The following CDH13 variants were observed in gnomAD, a reference collection of about 807,000 sequenced individuals.
CDH13 encodes the protein cadherin-13.
CDH13 carries 24 observed loss-of-function variants against 63.8 expected under a neutral mutation model. The observed-to-expected ratio is 0.38, with a 90% CI of 0.27 to 0.53. CDH13 has a LOEUF of 0.53. CDH13 is among the 20% of genes least tolerant of loss of function. The probability of loss-of-function intolerance (pLI) is 0.85; values close to 1 mark genes in which losing one functional copy is unlikely to be tolerated. For synonymous variants in CDH13, 503 were observed against 355.3 expected (o/e 1.42, Z -4.67); for missense variants, 1,049 against 903.1 (o/e 1.16, Z -2.07).
At chr16:82,752,701 C>A (rs1281281139) in intron 1 of CDH13, among the ~76,000 whole-genome samples, 1 of 152,204 alleles carries the variant, frequency 6.6e-6, no homozygotes, top group Non-Finnish European at 1.5e-5. Context: ...GGGCCAGAAC[C>A]AGAAGGCAGA....
intron 9 of CDH13, among the ~76,000 whole-genome samples, chr16:83,672,409 CTTTTTTTTTT>C (rs34156503): frequency 6.8e-4 from 24 of 35,136 alleles, no homozygotes; most frequent in Admixed American, 1.1e-3. Context: ...TCTGGATTCT[CTTTTTTTTTT>C]TTTTTTTTTT....
At position 83,412,489 on chromosome 16, in the gene CDH13, A is replaced by G. The variant is rs113251093; in HGVS notation, c.781+67483A>G. Among the ~76,000 whole-genome samples, 4 of 152,290 alleles carry G rather than the reference A, an allele frequency of 2.6e-5. 1 individual carries two copies. The highest frequency in any genetic ancestry group is 9.6e-5 in the African/African-American group (4 of 41,582). ...AAAATAAAAATAAAAATGAATAAAT[A>G]AATAAATGTGTCTACAAACAGAGGT... is the stretch of plus-strand genomic sequence containing the variant. On this transcript the variant is annotated intron_variant, in intron 6 of 13. Coordinates refer to ENST00000567109, the MANE Select transcript of CDH13 (RefSeq NM_001257.5).
chr16:82,838,314 G>T (rs1190960794), intron 1 of CDH13, among the ~76,000 whole-genome samples: 2 of 152,194 alleles, frequency 1.3e-5, no homozygotes, highest in South Asian at 2.1e-4. Flanking sequence ...AGAAGAACAT[G>T]CCCGTCCTAT....
chr16:82,649,721 A>G (rs2150904980), intron 1 of CDH13, among the ~76,000 whole-genome samples: 1 of 152,242 alleles, frequency 6.6e-6, no homozygotes, highest in Non-Finnish European at 1.5e-5. Context: ...GGAGGGTAAG[A>G]AGACATGGAA....
chr16:83,128,456 G>A (rs1349389541), intron 4 of CDH13, among the ~76,000 whole-genome samples: 1 of 152,186 alleles, frequency 6.6e-6, no homozygotes, highest in Non-Finnish European at 1.5e-5. Flanking sequence ...ACAGAGGGCT[G>A]ACCTGAAATG....
At position 83,799,944 on chromosome 16, in the gene CDH13, A is replaced by T. The variant is rs1178030798; in HGVS notation, c.*4914A>T. The stretch of plus-strand genomic sequence containing the variant: ...GGTTTCAGATAAGAACTTCAATTAT[A>T]TAATTTAAGAAGAGTCAGTCTATAA... On this transcript the variant is annotated 3_prime_UTR_variant, in exon 14 of 14. Coordinates refer to ENST00000567109, the MANE Select transcript of CDH13 (RefSeq NM_001257.5). The T allele has an allele frequency of 7.9e-6, 1 of 126,706 alleles. No individual in the cohort carries two copies. The highest frequency in any genetic ancestry group is 1.9e-5 in the Non-Finnish European group (1 of 53,482). The allele number at this position is 126,706 out of a possible 1,614,324, so 7.8% of individuals were successfully genotyped here. A position where few individuals can be genotyped will look rare whatever the true frequency, so the allele number is the denominator to read the frequency against.
chr16:83,275,722 C>T (rs535001685), intron 5 of CDH13, among the ~76,000 whole-genome samples: 7 of 152,224 alleles, frequency 4.6e-5, no homozygotes, highest in South Asian at 4.2e-4. Context: ...CTTGGTTATA[C>T]GTCATTTCTG....
intron 4 of CDH13, among the ~76,000 whole-genome samples, chr16:83,143,334 G>C (rs1032034470): frequency 1.3e-5 from 2 of 152,016 alleles, no homozygotes; most frequent in Non-Finnish European, 2.9e-5. Context: ...AAAATATTTA[G>C]GAAAGTCTCA....
intron 1 of CDH13, among the ~76,000 whole-genome samples, chr16:82,638,053 G>T (rs1349880231): frequency 1.3e-5 from 2 of 152,218 alleles, no homozygotes; most frequent in Non-Finnish European, 2.9e-5. Flanking sequence ...CCATTGAAGG[G>T]AGAAGAGGCT....
At chr16:83,650,311 A>G (rs1912247142) in intron 8 of CDH13, among the ~76,000 whole-genome samples, 2 of 152,344 alleles carry the variant, frequency 1.3e-5, no homozygotes, top group Admixed American at 1.3e-4. Flanking sequence ...TAATTTTCAT[A>G]ATAATTATAG....
At chr16:83,488,770 G>A (rs746505512) in intron 7 of CDH13, among the ~76,000 whole-genome samples, 5 of 152,062 alleles carry the variant, frequency 3.3e-5, no homozygotes, top group Middle Eastern at 3.4e-3. Flanking sequence ...GAATACAGGC[G>A]CCTGCCACCA....
At chr16:83,687,729 A>G (rs1904450925) in intron 10 of CDH13, among the ~76,000 whole-genome samples, 2 of 152,236 alleles carry the variant, frequency 1.3e-5, no homozygotes, top group Admixed American at 6.5e-5. Context: ...AGCCAGTGCT[A>G]GCAGGGAGAC....
chr16:83,763,917 A>C (rs1041917531), intron 11 of CDH13, among the ~76,000 whole-genome samples: 53 of 152,114 alleles, frequency 3.5e-4, no homozygotes, highest in Admixed American at 3.9e-4. Flanking sequence ...GCCTAGTGCC[A>C]TCTACACCTC....
At chr16:82,643,043 G>C (rs1851716857) in intron 1 of CDH13, among the ~76,000 whole-genome samples, 1 of 152,202 alleles carries the variant, frequency 6.6e-6, no homozygotes. Context: ...GATGTCTAGG[G>C]CTGGGGGCAG....
intron 7 of CDH13, among the ~76,000 whole-genome samples, chr16:83,559,304 G>C (rs1276748991): frequency 6.6e-6 from 1 of 152,142 alleles, no homozygotes; most frequent in Non-Finnish European, 1.5e-5. Flanking sequence ...AGACATGGTG[G>C]TTCACACCTG....
chr16:83,272,775 T>A (rs2088864679), intron 5 of CDH13, among the ~76,000 whole-genome samples: 1 of 152,176 alleles, frequency 6.6e-6, no homozygotes, highest in Non-Finnish European at 1.5e-5. Context: ...AAGGCAGAGC[T>A]GTGGCAGAGT....
chr16:83,212,480 A>G (rs60581154), intron 4 of CDH13, among the ~76,000 whole-genome samples: 319 of 152,266 alleles, frequency 2.1e-3, no homozygotes, highest in African/African-American at 7.2e-3. Flanking sequence ...TGCCTTTAAC[A>G]CACGTAGAGA....
At chr16:83,441,819 A>C (rs538918502) in intron 6 of CDH13, among the ~76,000 whole-genome samples, 10 of 152,164 alleles carry the variant, frequency 6.6e-5, no homozygotes, top group African/African-American at 2.2e-4. Context: ...CTCTACTCCA[A>C]AAGGAAATGT....
At chr16:83,056,796 A>C (rs765191313) in intron 3 of CDH13, among the ~76,000 whole-genome samples, 4 of 151,974 alleles carry the variant, frequency 2.6e-5, no homozygotes, top group Non-Finnish European at 4.4e-5. Flanking sequence ...GTGATAGTGA[A>C]TAAGTCTCAC....
Sources: gnomAD v4.1 joint callset for allele counts (sites outside exome capture counted in the v4.1 genomes callset) on GRCh38, gnomAD v4.1.1 for gene constraint, MANE v1.5 for transcripts, NCBI Gene and HGNC (gene_info 2026-07-23, HGNC 2026-07-21) for gene names.